USH2A: variants seen among roughly 807,000 people sequenced by gnomAD.
USH2A encodes the protein usherin, also known as Usher syndrome 2A (autosomal recessive, mild).
A neutral mutation model predicts 538.9 loss-of-function variants in USH2A; 443 were observed. That is an observed-to-expected ratio of 0.82 (90% CI 0.76 to 0.89). The LOEUF (loss-of-function observed/expected upper bound fraction) is 0.89. USH2A is among the 40% of genes least tolerant of loss of function. USH2A has a pLI of 0.00. For synonymous variants in USH2A, 2,413 were observed against 2,273.5 expected (o/e 1.06, Z -1.75); for missense variants, 6,633 against 6,324.8 (o/e 1.05, Z -1.65).
chr1:216,296,738 G>A (rs1360814307), intron 9 of USH2A, among the ~76,000 whole-genome samples: 1 of 151,970 alleles, frequency 6.6e-6, no homozygotes, highest in African/African-American at 2.4e-5. Context: ...AGAAGAATAT[G>A]TGGCAACCAT....
intron 19 of USH2A, among the ~76,000 whole-genome samples, chr1:216,190,924 T>C (rs1032271241): frequency 6.6e-6 from 1 of 152,120 alleles, no homozygotes; most frequent in Non-Finnish European, 1.5e-5. Flanking sequence ...ATCTTTCTTA[T>C]ATAAACAAAC....
At chr1:216,261,455 A>G (rs1273141398) in intron 11 of USH2A, among the ~76,000 whole-genome samples, 2 of 151,444 alleles carry the variant, frequency 1.3e-5, no homozygotes, top group Non-Finnish European at 2.9e-5. Context: ...TATCCAAAAA[A>G]AAAAAAAAAG....
chr1:216,048,679 T>C, intron 30 of USH2A, 32 bp from the exon 31 acceptor site: 1 of 1,563,056 alleles, frequency 6.4e-7, no homozygotes, highest in South Asian at 1.1e-5. Context: ...GAGGGTTGCG[T>C]GTTTACCATA....
chr1:216,004,154 T>A lies in USH2A; in HGVS notation c.6326-3592A>T, dbSNP rs560871228. ...GAATGTCAATTAGACATTTGCTATG[T>A]TAGTTAGATAACCAAGAGGAGATTG... On this transcript the variant is annotated intron_variant, in intron 32 of 71. Transcript: ENST00000307340. 4.3e-4 allele frequency among the ~76,000 whole-genome samples: 65 copies of A among 152,268 alleles called. No individual in the cohort carries two copies. In the South Asian group the frequency reaches 0.011, roughly 25 times the overall value.
intron 61 of USH2A, among the ~76,000 whole-genome samples, chr1:215,703,013 T>C (rs1404519610): frequency 6.6e-6 from 1 of 152,214 alleles, no homozygotes; most frequent in East Asian, 1.9e-4. Context: ...TTCCTTTGTG[T>C]TGATGTTGAT....
At chr1:215,706,026 C>T (rs1028720430) in intron 61 of USH2A, among the ~76,000 whole-genome samples, 18 of 152,164 alleles carry the variant, frequency 1.2e-4, no homozygotes, top group Admixed American at 8.5e-4. Flanking sequence ...TTAAAACAAC[C>T]TTATGAGATA....
intron 21 of USH2A, among the ~76,000 whole-genome samples, chr1:216,104,427 T>C (rs1460343071): frequency 6.6e-6 from 1 of 152,248 alleles, no homozygotes; most frequent in Non-Finnish European, 1.5e-5. Context: ...TAGTATTTCA[T>C]GGTGTATATG....
intron 38 of USH2A, among the ~76,000 whole-genome samples, chr1:215,905,050 TA>T (rs1407413545): frequency 6.6e-6 from 1 of 151,792 alleles, no homozygotes; most frequent in African/African-American, 2.4e-5. Context: ...CAAAACAAAA[TA>T]AAACAAACGA....
intron 61 of USH2A, among the ~76,000 whole-genome samples, chr1:215,696,493 T>A (rs562067753): frequency 1.3e-5 from 2 of 152,176 alleles, no homozygotes; most frequent in Non-Finnish European, 2.9e-5. Flanking sequence ...TTCTCTTAAT[T>A]TTCTTTCTTT....
chr1:216,141,138 C>T (rs554397807), intron 21 of USH2A, among the ~76,000 whole-genome samples: 25 of 152,214 alleles, frequency 1.6e-4, no homozygotes, highest in African/African-American at 4.6e-4. Flanking sequence ...ATTTGGTGTG[C>T]GGAAAAAGTA....
At chr1:216,094,626 ACT>A (rs1173382446) in intron 22 of USH2A, among the ~76,000 whole-genome samples, 3 of 150,980 alleles carry the variant, frequency 2.0e-5, no homozygotes, top group South Asian at 2.1e-4. Flanking sequence ...TATATTTCTG[ACT>A]CTGTTATTTT....
intron 44 of USH2A, among the ~76,000 whole-genome samples, chr1:215,855,503 AC>A: frequency 6.6e-6 from 1 of 152,232 alleles, no homozygotes; most frequent in East Asian, 1.9e-4. Flanking sequence ...ACCATAGATG[AC>A]ACAAATGAAA....
chr1:215,861,670 G>T (rs746177280), intron 44 of USH2A, among the ~76,000 whole-genome samples: 5 of 152,138 alleles, frequency 3.3e-5, no homozygotes, highest in Non-Finnish European at 7.4e-5. Flanking sequence ...CCAAAAAGAT[G>T]CAGATTGTCT....
chr1:215,639,601 T>C (rs1454252388), intron 68 of USH2A, among the ~76,000 whole-genome samples: 1 of 152,178 alleles, frequency 6.6e-6, no homozygotes, highest in East Asian at 1.9e-4. Context: ...CTAGAGTTTC[T>C]TACTGAACAG....
intron 32 of USH2A, among the ~76,000 whole-genome samples, chr1:216,030,468 TAA>T (rs1215326816): frequency 8.2e-6 from 1 of 121,296 alleles, no homozygotes; most frequent in African/African-American, 2.9e-5. Context: ...CACAGACATA[TAA>T]TATATATGAT....
intron 70 of USH2A, chr1:215,629,925 G>A (rs552967631): frequency 5.9e-5 from 19 of 321,294 alleles, no homozygotes; most frequent in South Asian, 1.0e-4. Flanking sequence ...ACAGGCGCCC[G>A]CCACCATGCC....
chr1:216,139,703 C>T (rs2033563461), intron 21 of USH2A, among the ~76,000 whole-genome samples: 1 of 152,172 alleles, frequency 6.6e-6, no homozygotes, highest in Non-Finnish European at 1.5e-5. Flanking sequence ...TATGATCCTG[C>T]TGTTCAGTAC....
intron 27 of USH2A, among the ~76,000 whole-genome samples, chr1:216,076,964 G>A (rs920514822): frequency 3.9e-5 from 6 of 152,222 alleles, no homozygotes; most frequent in African/African-American, 1.4e-4. Flanking sequence ...ATAAAAGAGA[G>A]CATTGACTGT....
At position 216,276,545 on chromosome 1, in the gene USH2A, G is replaced by A. The variant is rs548721842; in HGVS notation, c.1971+12735C>T. ...TTGGTTTAGTGAGTGAGGAATGAAG[G>A]AGGCTGATTATATTCTGTTCCTCAA... On this transcript the variant is annotated intron_variant, in intron 11 of 71. Transcript: ENST00000307340. 1.1e-4 allele frequency among the ~76,000 whole-genome samples: 16 copies of A among 152,236 alleles called. No homozygotes were observed. The South Asian group carries it at 1.2e-3, about 12-fold the overall frequency.
Sources: gnomAD v4.1 joint callset for allele counts (sites outside exome capture counted in the v4.1 genomes callset) on GRCh38, gnomAD v4.1.1 for gene constraint, MANE v1.5 for transcripts, NCBI Gene and HGNC (gene_info 2026-07-23, HGNC 2026-07-21) for gene names.